CTCFL: variants seen among roughly 807,000 people sequenced by gnomAD.
CTCFL encodes the protein CCCTC-binding factor like, also known as transcriptional repressor CTCFL.
In CTCFL, 36 loss-of-function variants were observed where a neutral mutation model predicts 67.4. The ratio of observed to expected loss-of-function variants is 0.53; its 90% CI spans 0.41 to 0.71. The LOEUF (loss-of-function observed/expected upper bound fraction) is 0.71, where lower values mean the gene tolerates loss of function less well. Ranked by LOEUF, CTCFL falls within the 30% of genes least tolerant of loss-of-function variation. The pLI is 0.00. For missense variants in CTCFL, 786 were observed against 835.2 expected (o/e 0.94, Z 0.73); for synonymous variants, 324 against 302.3 (o/e 1.07, Z -0.75).
chr20:57,500,166 CA>C (rs1385676109), intron 10 of CTCFL: 1 of 980,828 alleles, frequency 1.0e-6, no homozygotes, highest in East Asian at 1.2e-4. Context: ...CTGAGATCCA[CA>C]AAACTGGTGC....
At chr20:57,523,548 G>A (rs1030944113) in intron 2 of CTCFL, 115 bp downstream of exon 2, 1 of 1,392,700 alleles carries the variant, frequency 7.2e-7, no homozygotes, top group Non-Finnish European at 9.7e-7. Context: ...GGAAGTATTT[G>A]TACTGTCTTT....
downstream of CTCFL, chr20:57,496,384 C>CT (rs2067724974): frequency 1.7e-6 from 1 of 574,286 alleles, no homozygotes; most frequent in Non-Finnish European, 3.2e-6. Context: ...AATTAAAACT[C>CT]TTTTCTTTAT....
Position 57,524,217 on chromosome 20 carries a change from C to T in CTCFL, c.-11-1G>A, listed in dbSNP as rs1351951362. ...TCAGTGGCTGCCATAATGACTTGGCCTGTTTGAAAAATAAGCAAGCGGTTT... is the reference window on the plus strand; with the variant it reads ...TCAGTGGCTGCCATAATGACTTGGCTTGTTTGAAAAATAAGCAAGCGGTTT... On this transcript the variant is annotated splice_acceptor_variant, in intron 1 of 10. Transcript: ENST00000243914. LOFTEE classifies it low-confidence loss of function (5UTR_SPLICE). The T allele has an allele frequency of 1.2e-6, 2 of 1,606,324 alleles. No homozygotes were observed. Among genetic ancestry groups the T allele is most frequent in the Non-Finnish European group, 1.7e-6 (2 of 1,177,072 alleles).
At chr20:57,518,540 A>T (rs1479875344) in intron 5 of CTCFL, 5 of 1,422,350 alleles carry the variant, frequency 3.5e-6, no homozygotes, top group Non-Finnish European at 4.6e-6. Flanking sequence ...GTAAACCTTT[A>T]CATATTATTT....
rs1375256854 is a variant in CTCFL, at chr20:57,518,804, T to C, written c.1013A>G (p.His338Arg). 1.9e-6 allele frequency: 3 copies of C among 1,612,054 alleles called. No individual in the cohort carries two copies. The highest frequency in any genetic ancestry group is 2.5e-6 in the Non-Finnish European group (3 of 1,178,260). Residue 338 changes from histidine to arginine, a missense_variant, in exon 5 of 11, where the codon CAT (histidine) becomes CGT (arginine). This residue lies in a region of CTCFL where 254 missense variants were observed against 333.9 expected (regional missense o/e 0.76). Coordinates refer to ENST00000243914, the MANE Select transcript of CTCFL (RefSeq NM_001386993.1). ...CATGGAACATTTAAAGGGTTTCTCA[T>C]GAGTATGTTTATAGCGCCTGTGTCG... ...LVRHRRYKHTHEKPFKCSMCK... is the reference protein window; with the variant it reads ...LVRHRRYKHTREKPFKCSMCK...
chr20:57,512,830 G>A (rs2068653314), intron 7 of CTCFL, 78 bp from the exon 8 acceptor site: 1 of 1,428,058 alleles, frequency 7.0e-7, no homozygotes, highest in South Asian at 1.3e-5. Flanking sequence ...TCTAAACCGG[G>A]GTTTCTCAGC....
intron 8 of CTCFL, 60 bp downstream of exon 8, chr20:57,512,532 C>T: frequency 1.9e-6 from 3 of 1,542,918 alleles, no homozygotes; most frequent in Non-Finnish European, 2.7e-6. Context: ...TAGAGAATCC[C>T]ACCCAGCCCT....
At chr20:57,514,446 G>A in intron 7 of CTCFL, 146 bp downstream of exon 7, 2 of 886,452 alleles carry the variant, frequency 2.3e-6, no homozygotes, top group East Asian at 2.4e-5. Flanking sequence ...GGTGCGACAG[G>A]ACTTCTGGAA....
chr20:57,521,957 A>G (rs114620719), intron 3 of CTCFL, among the ~76,000 whole-genome samples: 1,695 of 152,362 alleles, frequency 0.011, 44 homozygotes, highest in African/African-American at 0.038. Context: ...TAATCGGTAC[A>G]GGCCTCTTAT....
chr20:57,518,422 T>C (rs76451390), intron 5 of CTCFL: 56,171 of 969,540 alleles, frequency 0.058, 1,947 homozygotes, highest in South Asian at 0.11. Context: ...CATTCTACGT[T>C]AGAGCAAATA....
At chr20:57,524,594 G>A (rs1472625601) in intron 1 of CTCFL, 2 of 1,031,072 alleles carry the variant, frequency 1.9e-6, no homozygotes, top group African/African-American at 1.7e-5. Flanking sequence ...CCTGGGCCTA[G>A]TAAGGTTTGG....
intron 10 of CTCFL, chr20:57,500,251 G>A (rs750824226): frequency 2.0e-6 from 2 of 1,019,710 alleles, no homozygotes; most frequent in South Asian, 1.7e-5. Context: ...GATCACTTGA[G>A]GTCAGGAGTG....
In CTCFL at chr20:57,504,600, C is replaced by T. The variant is rs539390715; in HGVS notation, c.1675-999G>A. ...CTGGCCAAGATAACATCCTAACATCCGTCCCTGAGTTGTTTTTTAGAAACC... is the reference window on the plus strand; with the variant it reads ...CTGGCCAAGATAACATCCTAACATCTGTCCCTGAGTTGTTTTTTAGAAACC... On this transcript the variant is annotated intron_variant, in intron 9 of 10. Transcript: ENST00000243914. 2.3e-4 allele frequency among the ~76,000 whole-genome samples: 35 copies of T among 151,804 alleles called. No homozygotes were observed. In the East Asian group the frequency reaches 4.4e-3, roughly 19 times the overall value.
In CTCFL at chr20:57,498,046, A is replaced by C. The variant is rs1295929959; in HGVS notation, c.*504T>G. On this transcript the variant is annotated 3_prime_UTR_variant, in exon 11 of 11. Transcript: ENST00000243914. The stretch of plus-strand genomic sequence containing the variant: ...TTGTAGAAAATTCATTTGTATAAAA[A>C]CATTTGTCTTTAATGTTTAAAACCA... 1 of 900,316 alleles carries C rather than the reference A, an allele frequency of 1.1e-6. No individual in the cohort carries two copies. The highest frequency in any genetic ancestry group is 6.2e-5 in the Admixed American group (1 of 16,180). The allele number at this position is 900,316 out of a possible 1,614,324, so 55.8% of individuals were successfully genotyped here.
At chr20:57,511,829 G>A (rs1372943031) in intron 8 of CTCFL, among the ~76,000 whole-genome samples, 1 of 152,140 alleles carries the variant, frequency 6.6e-6, no homozygotes, top group Non-Finnish European at 1.5e-5. Flanking sequence ...CTGACCTCAA[G>A]TGATCCACAT....
intron 5 of CTCFL, 200 bp downstream of exon 5, chr20:57,518,558 T>C (rs1236547514): frequency 3.5e-6 from 5 of 1,432,002 alleles, no homozygotes; most frequent in African/African-American, 1.4e-5. Flanking sequence ...TTTTCACTAA[T>C]TAGTAATCAA....
chr20:57,498,225 C>A lies in CTCFL; in HGVS notation c.*325G>T. ...CCTTGCCAATATCAAGTGAATGAAT[C>A]CATAGGTTTGAGGTGTTACCCTCTC... is the stretch of plus-strand genomic sequence containing the variant. On this transcript the variant is annotated 3_prime_UTR_variant, in exon 11 of 11. Coordinates refer to ENST00000243914, the MANE Select transcript of CTCFL (RefSeq NM_001386993.1). The A allele has an allele frequency of 3.9e-6, 4 of 1,013,734 alleles. No homozygotes were observed. The highest frequency in any genetic ancestry group is 4.7e-6 in the Non-Finnish European group (4 of 848,452). 62.8% of individuals were successfully genotyped at this position (1,013,734 alleles called of 1,614,324 possible).
chr20:57,501,977 G>A (rs1314841594), intron 10 of CTCFL, among the ~76,000 whole-genome samples: 1 of 152,252 alleles, frequency 6.6e-6, no homozygotes, highest in African/African-American at 2.4e-5. Context: ...GTCATGATAA[G>A]AAGGGACTTG....
At chr20:57,524,390 G>GGGT in intron 1 of CTCFL, 174 bp from the exon 2 acceptor site, 1 of 1,434,056 alleles carries the variant, frequency 7.0e-7, no homozygotes, top group Non-Finnish European at 9.1e-7. Context: ...GTCTAGGAGG[G>GGGT]GGTCAAGGCT....
Sources: allele counts gnomAD v4.1 joint callset (sites outside exome capture counted in the v4.1 genomes callset), GRCh38; gene constraint gnomAD v4.1.1; regional missense constraint gnomAD v4.1.1; transcripts MANE v1.5; gene names NCBI Gene and HGNC (gene_info 2026-07-23, HGNC 2026-07-21).